MYO9A: variants seen among roughly 807,000 people sequenced by gnomAD.
MYO9A encodes the protein unconventional myosin-IXa.
Under a neutral mutation model 293.3 loss-of-function variants are expected in MYO9A, and 103 were observed. The observed-to-expected ratio is 0.35, with a 90% CI of 0.30 to 0.41. The LOEUF is 0.41. Among genes scored for constraint, MYO9A ranks in the 10% least tolerant of loss-of-function variants. The pLI, the probability that MYO9A is intolerant of heterozygous loss-of-function variation, is 1.00. For missense variants in MYO9A, 2,685 were observed against 3,033.0 expected (o/e 0.89, Z 2.69); for synonymous variants, 1,001 against 1,035.7 (o/e 0.97, Z 0.64).
chr15:71,916,699 C>G (rs1439428922), intron 18 of MYO9A, among the ~76,000 whole-genome samples: 1 of 152,222 alleles, frequency 6.6e-6, no homozygotes, highest in Non-Finnish European at 1.5e-5. Flanking sequence ...GTACACTTCA[C>G]AAACTCTCTT....
intron 9 of MYO9A, among the ~76,000 whole-genome samples, chr15:71,996,407 C>T (rs1393003859): frequency 4.6e-5 from 7 of 152,132 alleles, no homozygotes; most frequent in Non-Finnish European, 1.0e-4. Flanking sequence ...TAGGCCAATA[C>T]GATACCTATT....
chr15:71,952,659 G>T (rs116937504), intron 14 of MYO9A, among the ~76,000 whole-genome samples: 1 of 152,118 alleles, frequency 6.6e-6, no homozygotes, highest in Non-Finnish European at 1.5e-5. Context: ...TGGTGGTTGT[G>T]TAACATTTAT....
chr15:72,063,105 T>C (rs542944045), intron 1 of MYO9A, among the ~76,000 whole-genome samples: 23 of 152,310 alleles, frequency 1.5e-4, no homozygotes, highest in African/African-American at 5.3e-4. Flanking sequence ...ACATCTATAG[T>C]GAATTCATTT....
At chr15:71,926,846 T>C (rs774481475) in intron 18 of MYO9A, among the ~76,000 whole-genome samples, 1 of 152,126 alleles carries the variant, frequency 6.6e-6, no homozygotes, top group East Asian at 1.9e-4. Context: ...ATGCAAAGCA[T>C]AGTGGTTCTG....
intron 12 of MYO9A, among the ~76,000 whole-genome samples, chr15:71,968,633 G>A (rs961846196): frequency 3.3e-5 from 5 of 152,004 alleles, no homozygotes; most frequent in African/African-American, 1.2e-4. Context: ...CTGATCAACT[G>A]AGCACTTAAT....
At chr15:71,945,888 G>A (rs1268545254) in intron 15 of MYO9A, among the ~76,000 whole-genome samples, 1 of 152,158 alleles carries the variant, frequency 6.6e-6, no homozygotes, top group Non-Finnish European at 1.5e-5. Flanking sequence ...TCTTCATAAA[G>A]TAGAGGAAGT....
At chr15:71,836,479 A>G (rs753218172) in intron 39 of MYO9A, among the ~76,000 whole-genome samples, 30 of 152,092 alleles carry the variant, frequency 2.0e-4, no homozygotes, top group Non-Finnish European at 4.1e-4. Flanking sequence ...AGACACATAT[A>G]TCCTGTGACC....
chr15:72,096,579 G>A (rs2080071583), intron 1 of MYO9A, among the ~76,000 whole-genome samples: 1 of 152,186 alleles, frequency 6.6e-6, no homozygotes, highest in South Asian at 2.1e-4. Context: ...TTTCCCACCT[G>A]CTAACACAAC....
chr15:71,963,841 T>C (rs911628551), intron 13 of MYO9A, among the ~76,000 whole-genome samples: 1 of 152,230 alleles, frequency 6.6e-6, no homozygotes, highest in Non-Finnish European at 1.5e-5. Flanking sequence ...ATATGTCTAA[T>C]TTGAAAGAAA....
At chr15:72,103,207 A>AAAGCAGCAGCAGAAGCAG (rs1238933053) in intron 1 of MYO9A, among the ~76,000 whole-genome samples, 4 of 146,570 alleles carry the variant, frequency 2.7e-5, no homozygotes, top group East Asian at 2.3e-4. Context: ...AGAAAAAAAA[A>AAAGCAGCAGCAGAAGCAG]AAGCAGCAGC....
At chr15:72,048,041 A>AT (rs1001585423) in intron 1 of MYO9A, among the ~76,000 whole-genome samples, 1 of 151,760 alleles carries the variant, frequency 6.6e-6, no homozygotes, top group East Asian at 1.9e-4. Flanking sequence ...TCAAGAAACT[A>AT]TTTTTTCCTG....
chr15:72,100,227 G>C (rs1359709296), intron 1 of MYO9A, among the ~76,000 whole-genome samples: 2 of 152,142 alleles, frequency 1.3e-5, no homozygotes, highest in African/African-American at 4.8e-5. Flanking sequence ...ACAAAAAATA[G>C]AAAAATTAGA....
chr15:71,846,478 C>T (rs543085147), intron 39 of MYO9A, among the ~76,000 whole-genome samples: 10 of 152,202 alleles, frequency 6.6e-5, no homozygotes, highest in Non-Finnish European at 1.3e-4. Flanking sequence ...GAGAAGAGCA[C>T]TGGATTAAAA....
chr15:72,000,051 T>A, intron 8 of MYO9A, 111 bp from the exon 9 acceptor site: 2 of 766,058 alleles, frequency 2.6e-6, no homozygotes, highest in Non-Finnish European at 2.0e-6. Flanking sequence ...AGCAATTACA[T>A]AGCAGAGAAA....
intron 1 of MYO9A, among the ~76,000 whole-genome samples, chr15:72,098,989 A>T (rs2080162708): frequency 6.6e-6 from 1 of 152,078 alleles, no homozygotes; most frequent in African/African-American, 2.4e-5. Context: ...TGGCAAAAAT[A>T]ATTAAGAAAT....
At chr15:72,067,847 T>C (rs1276735736) in intron 1 of MYO9A, among the ~76,000 whole-genome samples, 1 of 152,142 alleles carries the variant, frequency 6.6e-6, no homozygotes. Flanking sequence ...AAGCTTCAAA[T>C]GTTTACTCAT....
chr15:72,033,355 A>T (rs572861611), intron 2 of MYO9A, among the ~76,000 whole-genome samples: 1 of 152,356 alleles, frequency 6.6e-6, no homozygotes, highest in South Asian at 2.1e-4. Flanking sequence ...ATGAAATTCC[A>T]GTACATAATG....
At chr15:71,973,287 C>T (rs536553825) in intron 12 of MYO9A, among the ~76,000 whole-genome samples, 1 of 152,286 alleles carries the variant, frequency 6.6e-6, no homozygotes, top group Non-Finnish European at 1.5e-5. Context: ...AACTTCTGAC[C>T]AACCAGCTTC....
At chr15:71,943,702 T>C (rs2058837472) in intron 15 of MYO9A, among the ~76,000 whole-genome samples, 1 of 152,078 alleles carries the variant, frequency 6.6e-6, no homozygotes, top group South Asian at 2.1e-4. Flanking sequence ...CCACACTTAC[T>C]TATGGGTAAA....
Sources: gnomAD v4.1 joint callset for allele counts (sites outside exome capture counted in the v4.1 genomes callset) on GRCh38, gnomAD v4.1.1 for gene constraint, MANE v1.5 for transcripts, NCBI Gene and HGNC (gene_info 2026-07-23, HGNC 2026-07-21) for gene names.